Variants in SPATA13 observed in about 807,000 individuals in gnomAD.
The protein encoded by SPATA13 is spermatogenesis associated 13, also known as spermatogenesis-associated protein 13.
In SPATA13, 50 loss-of-function variants were observed where a neutral mutation model predicts 104.0. The observed-to-expected ratio is 0.48, with a 90% CI of 0.38 to 0.61. The LOEUF is 0.61. SPATA13 is among the 20% of genes least tolerant of loss of function. SPATA13 has a pLI of 0.00. For missense variants in SPATA13, 1,524 were observed against 1,690.6 expected, an observed-to-expected ratio of 0.90 and a Z score of 1.73; for synonymous variants, 606 against 667.5, an observed-to-expected ratio of 0.91 and a Z score of 1.42.
intron 2 of SPATA13, among the ~76,000 whole-genome samples, chr13:24,236,281 A>G (rs1253893287): frequency 2.6e-5 from 4 of 152,310 alleles, no homozygotes; most frequent in Non-Finnish European, 5.9e-5. Context: ...ATCTTCAACA[A>G]CAACAAAAAA....
chr13:24,208,627 C>T (rs1373527709), intron 1 of SPATA13, among the ~76,000 whole-genome samples: 1 of 152,070 alleles, frequency 6.6e-6, no homozygotes, highest in Non-Finnish European at 1.5e-5. Flanking sequence ...ACCTTCTTGT[C>T]CAGAGGGTTC....
chr13:24,039,288 A>C (rs897604827), intron 3 of SPATA13, among the ~76,000 whole-genome samples: 16 of 152,100 alleles, frequency 1.1e-4, no homozygotes, highest in Non-Finnish European at 2.1e-4. Flanking sequence ...ACCAGCTACT[A>C]CTCAATTTAC....
At chr13:24,122,055 A>C in intron 3 of SPATA13, 1 of 1,556,360 alleles carries the variant, frequency 6.4e-7, no homozygotes, top group Non-Finnish European at 8.9e-7. Flanking sequence ...GCAGGAAAGA[A>C]AGAGATAACT....
chr13:24,281,088 T>C (rs985059902), intron 4 of SPATA13, among the ~76,000 whole-genome samples: 1 of 151,832 alleles, frequency 6.6e-6, no homozygotes, highest in African/African-American at 2.4e-5. Flanking sequence ...CACTCCCTTC[T>C]CCTGAGGCGC....
chr13:24,201,767 G>A (rs1870419154), intron 1 of SPATA13, among the ~76,000 whole-genome samples: 1 of 152,088 alleles, frequency 6.6e-6, no homozygotes, highest in Non-Finnish European at 1.5e-5. Flanking sequence ...TACATTCTAT[G>A]GTTTGTACAA....
intron 3 of SPATA13, among the ~76,000 whole-genome samples, chr13:24,037,332 C>G (rs2137723608): frequency 6.6e-6 from 1 of 151,104 alleles, no homozygotes; most frequent in Admixed American, 6.6e-5. Context: ...TGCACATGTA[C>G]CCTAGAACTT....
At chr13:24,031,706 T>G (rs953387461) in intron 3 of SPATA13, among the ~76,000 whole-genome samples, 7 of 152,136 alleles carry the variant, frequency 4.6e-5, no homozygotes, top group Admixed American at 2.0e-4. Flanking sequence ...CTTGGGGAAT[T>G]TATAATCTTG....
chr13:24,118,652 G>T (rs1880930599), intron 3 of SPATA13, among the ~76,000 whole-genome samples: 1 of 152,120 alleles, frequency 6.6e-6, no homozygotes. Flanking sequence ...TGGTGATGCT[G>T]GTGCAGTAGC....
rs1032767864 is a variant in SPATA13, at chr13:24,305,095, G to A, written c.*2322G>A. ...AGGAAGTAAAGAGAATCATTTGCTT[G>A]TGTTACATTTTCAGTGAGGATTCAG... is the stretch of plus-strand genomic sequence containing the variant. On this transcript the variant is annotated 3_prime_UTR_variant, in exon 13 of 13. Coordinates refer to ENST00000382108, the MANE Select transcript of SPATA13 (RefSeq NM_001166271.3). 6 of 152,176 alleles carry A rather than the reference G, an allele frequency of 3.9e-5. No homozygotes were observed. The highest frequency in any genetic ancestry group is 1.4e-4 in the African/African-American group (6 of 41,454). 9.4% of individuals were successfully genotyped at this position (152,176 alleles called of 1,614,324 possible). A position where few individuals can be genotyped will look rare whatever the true frequency, so the allele number is the denominator to read the frequency against.
At chr13:24,212,841 T>G (rs953465953) in intron 1 of SPATA13, among the ~76,000 whole-genome samples, 8 of 152,226 alleles carry the variant, frequency 5.3e-5, no homozygotes, top group East Asian at 3.8e-4. Context: ...GAGCCACTTG[T>G]GTTATTGACC....
chr13:23,991,788 G>A (rs529259214), intron 2 of SPATA13, among the ~76,000 whole-genome samples: 2 of 152,178 alleles, frequency 1.3e-5, no homozygotes, highest in African/African-American at 2.4e-5. Flanking sequence ...TCTGAGTTGG[G>A]GGCAGGTGGG....
At chr13:24,138,348 A>G (rs1881643185) in intron 3 of SPATA13, among the ~76,000 whole-genome samples, 1 of 151,738 alleles carries the variant, frequency 6.6e-6, no homozygotes, top group South Asian at 2.1e-4. Context: ...GTATTATTAA[A>G]TTGTTTCTTG....
chr13:24,059,327 T>C (rs930978253), intron 3 of SPATA13, among the ~76,000 whole-genome samples: 1 of 151,006 alleles, frequency 6.6e-6, no homozygotes, highest in African/African-American at 2.4e-5. Flanking sequence ...ACTTGGTGAA[T>C]GTCACAAAAA....
At chr13:24,014,331 C>A (rs968291687) in intron 2 of SPATA13, among the ~76,000 whole-genome samples, 2 of 152,138 alleles carry the variant, frequency 1.3e-5, no homozygotes, top group African/African-American at 4.8e-5. Flanking sequence ...TCGGGGGCAC[C>A]AACACACCCC....
chr13:24,128,951 G>T (rs749631977), intron 3 of SPATA13, among the ~76,000 whole-genome samples: 1 of 152,066 alleles, frequency 6.6e-6, no homozygotes, highest in Non-Finnish European at 1.5e-5. Context: ...TCCACTAAAG[G>T]CTTAGTAGAA....
At chr13:24,014,339 C>T (rs1168065214) in intron 2 of SPATA13, among the ~76,000 whole-genome samples, 1 of 152,084 alleles carries the variant, frequency 6.6e-6, no homozygotes. Context: ...ACCAACACAC[C>T]CCCCTTCCCC....
At chr13:24,078,222 C>T (rs1293677503) in intron 3 of SPATA13, among the ~76,000 whole-genome samples, 3 of 152,176 alleles carry the variant, frequency 2.0e-5, no homozygotes, top group African/African-American at 7.2e-5. Flanking sequence ...TGCCCACCCT[C>T]ATACCAAGCA....
At position 24,286,508 on chromosome 13, in the gene SPATA13, CA is replaced by C; in HGVS notation, c.2481+117del. ...TCTTTTGTAATTGATATCTGACATG[CA>C]AGTCACACCTGTAAGAAATTAGGCT... On this transcript the variant is annotated intron_variant, in intron 6 of 12. Coordinates refer to ENST00000382108, the MANE Select transcript of SPATA13 (RefSeq NM_001166271.3). This position sits in a 1 kb window ranked among gnomAD's most constrained non-coding sequence, Gnocchi z 4.9. The C allele has an allele frequency of 8.9e-7, 1 of 1,126,172 alleles. No individual in the cohort carries two copies. Among genetic ancestry groups the C allele is most frequent in the Non-Finnish European group, 1.2e-6 (1 of 802,764 alleles). The allele number at this position is 1,126,172 out of a possible 1,614,324, so 69.8% of individuals were successfully genotyped here.
chr13:24,126,577 G>T (rs973739135), intron 3 of SPATA13, among the ~76,000 whole-genome samples: 2 of 152,130 alleles, frequency 1.3e-5, no homozygotes, highest in African/African-American at 4.8e-5. Context: ...CAGGGCGCAG[G>T]ACAGAGACAG....
Sources: allele counts gnomAD v4.1 joint callset (sites outside exome capture counted in the v4.1 genomes callset), GRCh38; gene constraint gnomAD v4.1.1; non-coding constraint Gnocchi (gnomAD v3.1); transcripts MANE v1.5; gene names NCBI Gene and HGNC (gene_info 2026-07-23, HGNC 2026-07-21).